Variants in ATG4B observed in about 807,000 individuals in gnomAD.
ATG4B encodes the protein autophagy related 4B cysteine peptidase.
ATG4B carries 29 observed loss-of-function variants against 56.6 expected under a neutral mutation model. The observed-to-expected ratio is 0.51, with a 90% CI of 0.38 to 0.70. ATG4B has a LOEUF of 0.70. Ranked by LOEUF, ATG4B falls within the 30% of genes least tolerant of loss-of-function variation. The pLI is 0.00. For synonymous variants in ATG4B, 224 were observed against 206.1 expected (o/e 1.09, Z -0.74); for missense variants, 461 against 515.5 (o/e 0.89, Z 1.02).
At chr2:241,665,344 G>A (rs747898340) in intron 7 of ATG4B, among the ~76,000 whole-genome samples, 4 of 152,178 alleles carry the variant, frequency 2.6e-5, no homozygotes, top group Admixed American at 6.6e-5. Flanking sequence ...GTGACGCCAC[G>A]ACTCACCAGG....
intron 1 of ATG4B, among the ~76,000 whole-genome samples, chr2:241,646,341 A>G (rs533673440): frequency 1.3e-5 from 2 of 152,248 alleles, no homozygotes; most frequent in South Asian, 4.1e-4. Context: ...TATTTTTAAT[A>G]TGGGAAACTA....
In ATG4B at chr2:241,651,155, T is replaced by C. The variant is rs1340787658; in HGVS notation, c.112+44T>C. 1.3e-6 allele frequency: 2 copies of C among 1,575,908 alleles called. No individual in the cohort carries two copies. Among genetic ancestry groups the C allele is most frequent in the South Asian group, 2.3e-5 (2 of 87,758 alleles). ...CCCACCCTGGTCTGACCGCTTGGCC[T>C]GCAGAAGCATTTTGTGATCACTGTT... On this transcript the variant is annotated intron_variant, in intron 2 of 12. Transcript: ENST00000404914. This position sits in a 1 kb window ranked among gnomAD's most constrained non-coding sequence, Gnocchi z 4.1.
Position 241,668,233 on chromosome 2 carries a change from GT to G in ATG4B, c.811+14del. ...CATCGGCTACGTTGGTGAGTCCAGG[GT>G]TCCCACCGTGTCCCTGTGGGCCTGG... On this transcript the variant is annotated intron_variant, in intron 9 of 12. Transcript: ENST00000404914. The surrounding 1 kb of genome is among the most constrained non-coding windows in gnomAD (Gnocchi z 4.2). 6.3e-7 allele frequency: 1 copy of G among 1,589,284 alleles called. No homozygotes were observed. Among genetic ancestry groups the G allele is most frequent in the African/African-American group, 1.3e-5 (1 of 74,332 alleles).
At chr2:241,670,657 G>T in intron 10 of ATG4B, 69 bp from the exon 11 acceptor site, 1 of 1,403,756 alleles carries the variant, frequency 7.1e-7, no homozygotes, top group Non-Finnish European at 9.9e-7. Flanking sequence ...CAGTGGGAAT[G>T]GAAGCCCCCA....
chr2:241,639,543 C>T (rs750740720), intron 1 of ATG4B, among the ~76,000 whole-genome samples: 1 of 152,114 alleles, frequency 6.6e-6, no homozygotes, highest in Non-Finnish European at 1.5e-5. Flanking sequence ...TAGTTCTTGT[C>T]CCACGTCCAA....
rs1292144120 is a variant in ATG4B, at chr2:241,672,721, C to A, written c.*457C>A. On this transcript the variant is annotated 3_prime_UTR_variant, in exon 13 of 13. Transcript: ENST00000404914. ...GAGAGGAGCGGCAGCCACACTGCGG[C>A]CCCACGCCCAAGGACTGGGCTGCTC... 4 of 191,880 alleles carry A rather than the reference C, an allele frequency of 2.1e-5. No homozygotes were observed. The highest frequency in any genetic ancestry group is 3.3e-5 in the Non-Finnish European group (3 of 90,798). 11.9% of individuals were successfully genotyped at this position (191,880 alleles called of 1,614,324 possible). A position where few individuals can be genotyped will look rare whatever the true frequency, so the allele number is the denominator to read the frequency against.
At chr2:241,658,139 A>G (rs71430376) in intron 6 of ATG4B, among the ~76,000 whole-genome samples, 17,069 of 152,196 alleles carry the variant, frequency 0.11, 1,169 homozygotes, top group Middle Eastern at 0.2. Flanking sequence ...GCCCTCCGCC[A>G]GGTCAGCTTT....
chr2:241,667,501 G>A lies in ATG4B; in HGVS notation c.733-642G>A, dbSNP rs923762132. Among the ~76,000 whole-genome samples, 6 of 151,840 alleles carry A rather than the reference G, an allele frequency of 4.0e-5. 1 individual carries two copies. Among genetic ancestry groups the A allele is most frequent in the African/African-American group, 9.7e-5 (4 of 41,394 alleles). ...CGCCTGTAGTCCCAGCTACACAGGA[G>A]GCTGAGGCAGGAGAATCTCTTGAAC... On this transcript the variant is annotated intron_variant, in intron 8 of 12. Transcript: ENST00000404914.
intron 6 of ATG4B, among the ~76,000 whole-genome samples, chr2:241,657,846 C>T (rs1575075435): frequency 6.6e-6 from 1 of 152,212 alleles, no homozygotes. Context: ...CTTGAACCGC[C>T]CTGGCTCTTC....
At position 241,668,405 on chromosome 2, in the gene ATG4B, C is replaced by T. The variant is rs184618479; in HGVS notation, c.812-135C>T. The T allele has an allele frequency of 1.8e-5, 25 of 1,405,590 alleles. No homozygotes were observed. In the Admixed American group the frequency reaches 1.8e-4, roughly 10 times the overall value. 87.1% of individuals were successfully genotyped at this position (1,405,590 alleles called of 1,614,324 possible). A position where few individuals can be genotyped will look rare whatever the true frequency, so the allele number is the denominator to read the frequency against. On this transcript the variant is annotated intron_variant, in intron 9 of 12. Transcript: ENST00000404914. This position sits in a 1 kb window ranked among gnomAD's most constrained non-coding sequence, Gnocchi z 4.2. ...GCCCCTTTCCCTGATGGTCTGGTGC[C>T]CTCGGCTCCCTCCCCACCTCCTGCC...
intron 7 of ATG4B, among the ~76,000 whole-genome samples, chr2:241,664,399 A>T (rs1015039348): frequency 6.6e-6 from 1 of 152,194 alleles, no homozygotes; most frequent in Middle Eastern, 3.4e-3. Context: ...CTAGCCGGAC[A>T]TGGGGGCATG....
rs757725756 is a variant in ATG4B, at chr2:241,668,550, C to T, written c.822C>T (p.Leu274=). 6 of 1,609,322 alleles carry T rather than the reference C, an allele frequency of 3.7e-6. No individual in the cohort carries two copies. In the Admixed American group the frequency reaches 6.7e-5, roughly 18 times the overall value. ...HYFIGYVGEE[L]IYLDPHTTQP... Reference sequence around the variant, plus strand: ...GCCTCATCCTCCCAGGTGAGGAGCTCATCTACCTGGACCCCCACACCACGC... The same window carrying T: ...GCCTCATCCTCCCAGGTGAGGAGCTTATCTACCTGGACCCCCACACCACGC... Residue 274 remains leucine (L), a synonymous_variant, in exon 10 of 13, where the codon CTC becomes CTT. Coordinates refer to ENST00000404914, the MANE Select transcript of ATG4B (RefSeq NM_013325.5). The surrounding 1 kb of genome is among the most constrained non-coding windows in gnomAD (Gnocchi z 4.2).
At chr2:241,658,792 C>T (rs1330370694) in intron 6 of ATG4B, among the ~76,000 whole-genome samples, 2 of 152,232 alleles carry the variant, frequency 1.3e-5, no homozygotes, top group Admixed American at 6.5e-5. Flanking sequence ...CTCAGAGCTG[C>T]GTTCATGTTC....
intron 1 of ATG4B, among the ~76,000 whole-genome samples, chr2:241,642,506 C>T (rs28641966): frequency 1.3e-5 from 2 of 151,786 alleles, no homozygotes; most frequent in African/African-American, 4.8e-5. Context: ...AAAATAACTT[C>T]TAAGTGTTTT....
At chr2:241,641,055 G>A (rs35271226) in intron 1 of ATG4B, among the ~76,000 whole-genome samples, 64,078 of 152,060 alleles carry the variant, frequency 0.42, 14,213 homozygotes, top group African/African-American at 0.55. Context: ...GGCAGAGGCA[G>A]CGAGACCAGC....
chr2:241,672,213 G>A lies in ATG4B; in HGVS notation c.1131G>A (p.Leu377=), dbSNP rs2069001648. The part of the protein sequence containing the change: ...LSLDSSDVER[L]ERFFDSEDED... Reference sequence around the variant, plus strand: ...TAGATTCTTCTGATGTAGAGCGACTGGAAAGATTCTTCGACTCAGAAGATG... The same window carrying A: ...TAGATTCTTCTGATGTAGAGCGACTAGAAAGATTCTTCGACTCAGAAGATG... Residue 377 remains leucine, a synonymous_variant, in exon 13 of 13, where the codon CTG becomes CTA. Coordinates refer to ENST00000404914, the MANE Select transcript of ATG4B (RefSeq NM_013325.5). 1.1e-5 allele frequency: 18 copies of A among 1,585,816 alleles called. No homozygotes were observed. Among genetic ancestry groups the A allele is most frequent in the Non-Finnish European group, 1.5e-5 (17 of 1,165,632 alleles).
chr2:241,655,774 C>T (rs2068379785), intron 6 of ATG4B, among the ~76,000 whole-genome samples: 1 of 152,184 alleles, frequency 6.6e-6, no homozygotes, highest in Admixed American at 6.5e-5. Context: ...TCCCATACAC[C>T]TCAGCGTCTG....
At chr2:241,646,107 T>C (rs955280926) in intron 1 of ATG4B, among the ~76,000 whole-genome samples, 1 of 152,180 alleles carries the variant, frequency 6.6e-6, no homozygotes, top group African/African-American at 2.4e-5. Context: ...TGGTGGTGTA[T>C]TTGAACTTAA....
intron 1 of ATG4B, among the ~76,000 whole-genome samples, chr2:241,643,008 G>A (rs1227339515): frequency 6.7e-6 from 1 of 148,470 alleles, no homozygotes; most frequent in African/African-American, 2.5e-5. Context: ...TCAGCCTCCC[G>A]AGTAGCTGGG....
Sources: allele counts gnomAD v4.1 joint callset (sites outside exome capture counted in the v4.1 genomes callset), GRCh38; gene constraint gnomAD v4.1.1; non-coding constraint Gnocchi (gnomAD v3.1); transcripts MANE v1.5; gene names NCBI Gene and HGNC (gene_info 2026-07-23, HGNC 2026-07-21).